Variants in TTC17 observed in about 807,000 individuals in gnomAD.
TTC17 encodes tetratricopeptide repeat protein 17.
A neutral mutation model predicts 143.8 loss-of-function variants in TTC17; 58 were observed. The ratio of observed to expected loss-of-function variants is 0.40; its 90% CI spans 0.33 to 0.50. The LOEUF (loss-of-function observed/expected upper bound fraction) is 0.50, where lower values mean the gene tolerates loss of function less well. Ranked by LOEUF, TTC17 falls within the 20% of genes least tolerant of loss-of-function variation. TTC17 has a pLI of 0.49. For synonymous variants in TTC17, 501 were observed against 497.8 expected, an observed-to-expected ratio of 1.01 and a Z score of -0.09; for missense variants, 1,273 against 1,392.5, an observed-to-expected ratio of 0.91 and a Z score of 1.37.
In TTC17 at chr11:43,378,721, T is replaced by C. The variant is rs1044524802; in HGVS notation, c.160-512T>C. ...TTTTCTACAGCTTCAACATAATTGT[T>C]TGATTTGTTGATCCAGAGAACATGA... is the stretch of plus-strand genomic sequence containing the variant. On this transcript the variant is annotated intron_variant, in intron 1 of 23. Transcript: ENST00000039989. Among the ~76,000 whole-genome samples the C allele has an allele frequency of 3.9e-5, 6 of 152,340 alleles. 1 individual carries two copies. The highest frequency in any genetic ancestry group is 1.2e-4 in the African/African-American group (5 of 41,580).
intron 10 of TTC17, among the ~76,000 whole-genome samples, chr11:43,401,955 G>A (rs1161276542): frequency 1.3e-5 from 2 of 151,170 alleles, no homozygotes; most frequent in Non-Finnish European, 2.9e-5. Flanking sequence ...TCCAGCCTGG[G>A]CAACAGAGCA....
chr11:43,366,282 T>C (rs1254202871), intron 1 of TTC17, among the ~76,000 whole-genome samples: 1 of 152,086 alleles, frequency 6.6e-6, no homozygotes, highest in Non-Finnish European at 1.5e-5. Flanking sequence ...TTCTCCTTTG[T>C]TTTATTTAAT....
In TTC17 at chr11:43,401,441, T is replaced by C. The variant is rs775867206; in HGVS notation, c.1220-5T>C. 5.0e-6 allele frequency: 8 copies of C among 1,595,964 alleles called. No homozygotes were observed. The highest frequency in any genetic ancestry group is 6.0e-6 in the Non-Finnish European group (7 of 1,168,276). On this transcript the variant is annotated splice_polypyrimidine_tract_variant and splice_region_variant and intron_variant, in intron 9 of 23. Transcript: ENST00000039989. ...TCATTTGTGTAATTTCCTTTCTTAT[T>C]CCAGGAAATCATCAGATATGCCGAC...
chr11:43,448,011 G>A lies in TTC17; in HGVS notation c.2675G>A (p.Arg892His), dbSNP rs113041198. The change falls in exon 19 of 24, where the codon CGT becomes CAT. Residue 892 changes from arginine (R) to histidine (H), a missense_variant. This residue lies in a region of TTC17 where 878 missense variants were observed against 899.8 expected (regional missense o/e 0.98). Coordinates refer to ENST00000039989, the MANE Select transcript of TTC17 (RefSeq NM_018259.6). ...VASPGPQGKKRDYQRLGWPSP... is the reference protein window; with the variant it reads ...VASPGPQGKKHDYQRLGWPSP... ...CATACTTTCCTTCCAGGAAAAAAAC[G>A]TGACTACCAGCGTCTGGGATGGCCC... is the stretch of plus-strand genomic sequence containing the variant. 18 of 1,613,472 alleles carry A rather than the reference G, an allele frequency of 1.1e-5. No individual in the cohort carries two copies. Among genetic ancestry groups the A allele is most frequent in the Middle Eastern group, 1.6e-4 (1 of 6,072 alleles).
At chr11:43,397,534 T>TTTA in intron 7 of TTC17, 43 bp downstream of exon 7, 3 of 1,453,952 alleles carry the variant, frequency 2.1e-6, no homozygotes, top group South Asian at 1.4e-5. Context: ...TAGTTGCCAC[T>TTTA]TTCTTTTTTT....
rs550012283 is a variant in TTC17 at position 43,395,791 on chromosome 11, G to T, written c.664-918G>T. Among the ~76,000 whole-genome samples the T allele has an allele frequency of 1.7e-3, 259 of 152,258 alleles. 7 individuals carry two copies. Among genetic ancestry groups the T allele is most frequent in the African/African-American group, 6.1e-3 (252 of 41,534 alleles). On this transcript the variant is annotated intron_variant, in intron 5 of 23. Transcript: ENST00000039989. ...ACTCTTTTAAAAATAATTGGTCCTT[G>T]TGAAAGAGTCACTGAAAATCTATAA...
intron 16 of TTC17, among the ~76,000 whole-genome samples, chr11:43,440,929 G>A (rs1403588553): frequency 6.6e-6 from 1 of 151,644 alleles, no homozygotes; most frequent in Non-Finnish European, 1.5e-5. Flanking sequence ...GTATGTATGT[G>A]TGTAGACAAA....
intron 5 of TTC17, among the ~76,000 whole-genome samples, chr11:43,395,022 A>G (rs985845410): frequency 2.0e-5 from 3 of 151,910 alleles, no homozygotes; most frequent in Non-Finnish European, 4.4e-5. Flanking sequence ...TTCTTTAAAT[A>G]TATATTTTTA....
intron 16 of TTC17, 135 bp from the exon 17 acceptor site, chr11:43,443,190 A>AT: frequency 9.8e-7 from 1 of 1,020,580 alleles, no homozygotes; most frequent in African/African-American, 1.6e-5. Context: ...GCTGAATGGA[A>AT]TTTTTATTAC....
At chr11:43,371,896 A>G (rs1366709170) in intron 1 of TTC17, among the ~76,000 whole-genome samples, 1 of 152,172 alleles carries the variant, frequency 6.6e-6, no homozygotes, top group Non-Finnish European at 1.5e-5. Flanking sequence ...AGAAATACAT[A>G]TGGCCAAGGA....
chr11:43,485,580 A>T (rs1294333589), intron 21 of TTC17, among the ~76,000 whole-genome samples: 1 of 152,216 alleles, frequency 6.6e-6, no homozygotes, highest in Non-Finnish European at 1.5e-5. Flanking sequence ...TTAATCTACA[A>T]AAGATTAATA....
intron 1 of TTC17, among the ~76,000 whole-genome samples, chr11:43,372,957 A>G (rs535941820): frequency 1.7e-4 from 26 of 152,208 alleles, no homozygotes; most frequent in Admixed American, 5.2e-4. Flanking sequence ...GAATAGAGAG[A>G]GGAAGGAAAT....
Position 43,423,340 on chromosome 11 carries a change from A to G in TTC17, c.2251+8564A>G, listed in dbSNP as rs2134654418. Among the ~76,000 whole-genome samples, 2 of 152,240 alleles carry G rather than the reference A, an allele frequency of 1.3e-5. 1 individual carries two copies. The highest frequency in any genetic ancestry group is 4.1e-4 in the South Asian group (2 of 4,826). On this transcript the variant is annotated intron_variant, in intron 16 of 23. Transcript: ENST00000039989. ...TCATCTATGCATTGATGTGCTGGGA[A>G]TAGCAAGTTCAGTGATAGACATGTT...
chr11:43,472,049 T>C, intron 21 of TTC17, among the ~76,000 whole-genome samples: 1 of 150,360 alleles, frequency 6.7e-6, no homozygotes, highest in East Asian at 1.9e-4. Context: ...ACAGTTAAAA[T>C]TAAACAAATT....
At chr11:43,438,901 A>G (rs578067022) in intron 16 of TTC17, among the ~76,000 whole-genome samples, 123 of 152,192 alleles carry the variant, frequency 8.1e-4, no homozygotes, top group African/African-American at 2.9e-3. Context: ...TTCTGTTTCT[A>G]CTCCAGGTAT....
intron 4 of TTC17, 31 bp downstream of exon 4, chr11:43,391,607 T>G (rs751779715): frequency 1.0e-5 from 10 of 952,630 alleles, no homozygotes; most frequent in Non-Finnish European, 1.3e-5. Flanking sequence ...TTTTTTTTTT[T>G]TTGCGTTGCG....
chr11:43,384,328 T>C (rs1857092205), intron 2 of TTC17, among the ~76,000 whole-genome samples: 2 of 152,176 alleles, frequency 1.3e-5, no homozygotes, highest in African/African-American at 4.8e-5. Context: ...TATATGTATT[T>C]AGGAATATGG....
chr11:43,431,041 T>C (rs1412317985), intron 16 of TTC17, among the ~76,000 whole-genome samples: 5 of 152,118 alleles, frequency 3.3e-5, no homozygotes, highest in Admixed American at 3.3e-4. Context: ...TTTGTTTCTG[T>C]GTTAGTTTGT....
intron 19 of TTC17, 66 bp downstream of exon 19, chr11:43,448,188 G>T: frequency 6.3e-7 from 1 of 1,591,480 alleles, no homozygotes; most frequent in Non-Finnish European, 8.6e-7. Context: ...CTGACTTTAA[G>T]GATCCCCTCT....
Sources: allele counts gnomAD v4.1 joint callset (sites outside exome capture counted in the v4.1 genomes callset), GRCh38; gene constraint gnomAD v4.1.1; regional missense constraint gnomAD v4.1.1; transcripts MANE v1.5; gene names NCBI Gene and HGNC (gene_info 2026-07-23, HGNC 2026-07-21).